Variants in AGBL4 observed in about 807,000 individuals in gnomAD.
AGBL4 encodes the protein cytosolic carboxypeptidase 6.
In AGBL4, 58 loss-of-function variants were observed where a neutral mutation model predicts 66.4. That is an observed-to-expected ratio of 0.87 (90% CI 0.71 to 1.09). AGBL4 has a LOEUF of 1.09. AGBL4 is among the 50% of genes least tolerant of loss of function. AGBL4 has a pLI of 0.00. For synonymous variants in AGBL4, 234 were observed against 222.9 expected (o/e 1.05, Z -0.44); for missense variants, 579 against 631.0 (o/e 0.92, Z 0.88).
chr1:49,064,153 T>G (rs1644451029), intron 4 of AGBL4, among the ~76,000 whole-genome samples: 2 of 152,234 alleles, frequency 1.3e-5, no homozygotes, highest in African/African-American at 4.8e-5. Flanking sequence ...AGGCTACAGT[T>G]GGTAGCTGTC....
intron 1 of AGBL4, among the ~76,000 whole-genome samples, chr1:50,008,207 C>T (rs1272821822): frequency 1.3e-5 from 2 of 152,212 alleles, no homozygotes; most frequent in African/African-American, 4.8e-5. Context: ...CCAATGGCTG[C>T]AGAATCCACA....
chr1:49,778,851 T>C (rs984963508), intron 2 of AGBL4, among the ~76,000 whole-genome samples: 4 of 152,180 alleles, frequency 2.6e-5, no homozygotes, highest in Non-Finnish European at 5.9e-5. Context: ...AACTAACACG[T>C]ATAATATTTA....
intron 9 of AGBL4, among the ~76,000 whole-genome samples, chr1:48,615,241 G>C (rs1271735549): frequency 6.6e-6 from 1 of 152,164 alleles, no homozygotes; most frequent in East Asian, 1.9e-4. Flanking sequence ...CTGAATCTTT[G>C]AATACCAAAC....
intron 5 of AGBL4, among the ~76,000 whole-genome samples, chr1:48,939,184 A>G (rs1655731423): frequency 6.6e-6 from 1 of 152,216 alleles, no homozygotes; most frequent in South Asian, 2.1e-4. Flanking sequence ...GTGATTCATC[A>G]GTATATACTT....
At chr1:49,646,095 T>G (rs2124426855) in intron 3 of AGBL4, among the ~76,000 whole-genome samples, 1 of 151,932 alleles carries the variant, frequency 6.6e-6, no homozygotes, top group East Asian at 1.9e-4. Context: ...CAGAAGGCTT[T>G]CCCTCTAATA....
At chr1:48,527,721 T>C in the AGBL4 span, among the ~76,000 whole-genome samples, 2 of 151,830 alleles carry the variant, frequency 1.3e-5, no homozygotes, top group Admixed American at 1.3e-4. Context: ...GAGCTAAGTC[T>C]TGAATGATGA....
intron 6 of AGBL4, among the ~76,000 whole-genome samples, chr1:48,811,193 T>A (rs1269201751): frequency 1.5e-5 from 2 of 132,268 alleles, no homozygotes; most frequent in African/African-American, 5.6e-5. Context: ...GGGGTGGGGG[T>A]GGTGGATGCT....
At chr1:49,946,591 C>T (rs985743507) in intron 1 of AGBL4, among the ~76,000 whole-genome samples, 4 of 151,864 alleles carry the variant, frequency 2.6e-5, no homozygotes, top group Non-Finnish European at 5.9e-5. Context: ...GCCCTAAACA[C>T]CTACATCAAA....
intron 3 of AGBL4, among the ~76,000 whole-genome samples, chr1:49,612,130 C>G (rs1307224322): frequency 1.3e-5 from 2 of 152,132 alleles, no homozygotes; most frequent in Non-Finnish European, 2.9e-5. Context: ...GATAAATGTG[C>G]CTTTTTATTT....
intron 6 of AGBL4, among the ~76,000 whole-genome samples, chr1:48,797,471 G>C (rs1214979465): frequency 6.6e-6 from 1 of 152,160 alleles, no homozygotes; most frequent in Non-Finnish European, 1.5e-5. Flanking sequence ...AACATACAAT[G>C]TTTGATTTTC....
chr1:49,994,607 A>T (rs1212038212), intron 1 of AGBL4: 1 of 152,606 alleles, frequency 6.6e-6, no homozygotes, highest in Admixed American at 6.5e-5. Flanking sequence ...ATTTTCATTT[A>T]AAAACTAACT....
chr1:49,360,500 C>A (rs1644114763), intron 3 of AGBL4, among the ~76,000 whole-genome samples: 1 of 152,062 alleles, frequency 6.6e-6, no homozygotes, highest in African/African-American at 2.4e-5. Context: ...AATTAAAAGT[C>A]CTAAGCACAT....
At chr1:48,612,427 G>C (rs1449476420) in intron 9 of AGBL4, among the ~76,000 whole-genome samples, 1 of 152,200 alleles carries the variant, frequency 6.6e-6, no homozygotes, top group East Asian at 1.9e-4. Flanking sequence ...GGCAGAGAAG[G>C]CATCCTGAAG....
chr1:48,718,564 G>GT (rs1211869179), intron 6 of AGBL4, among the ~76,000 whole-genome samples: 1 of 152,198 alleles, frequency 6.6e-6, no homozygotes, highest in Non-Finnish European at 1.5e-5. Context: ...CTTCCCACTA[G>GT]TTTTGGAAAA....
intron 8 of AGBL4, among the ~76,000 whole-genome samples, chr1:48,650,181 G>A (rs1382735641): frequency 6.6e-6 from 1 of 152,202 alleles, no homozygotes; most frequent in African/African-American, 2.4e-5. Context: ...AGGGGAGTGT[G>A]GGACTGCAGA....
At chr1:48,993,877 C>T (rs1362903572) in intron 5 of AGBL4, among the ~76,000 whole-genome samples, 2 of 152,180 alleles carry the variant, frequency 1.3e-5, no homozygotes, top group African/African-American at 4.8e-5. Flanking sequence ...GGAGGGGTGG[C>T]ATCAGCAATT....
intron 3 of AGBL4, among the ~76,000 whole-genome samples, chr1:49,556,917 G>A (rs1423663537): frequency 3.9e-5 from 6 of 152,176 alleles, no homozygotes; most frequent in East Asian, 1.9e-4. Context: ...TGGGGGACCC[G>A]GCGCACCCTC....
intron 3 of AGBL4, among the ~76,000 whole-genome samples, chr1:49,453,970 C>A (rs1486815053): frequency 6.6e-6 from 1 of 151,700 alleles, no homozygotes; most frequent in African/African-American, 2.4e-5. Context: ...TTCCAAAATT[C>A]ATTAGTGATT....
chr1:49,479,852 C>A (rs1177915202), intron 3 of AGBL4, among the ~76,000 whole-genome samples: 3 of 151,644 alleles, frequency 2.0e-5, no homozygotes, highest in Non-Finnish European at 1.5e-5. Flanking sequence ...GGACTACAGG[C>A]GCCCGCCACC....
Sources: gnomAD v4.1 joint callset for allele counts (sites outside exome capture counted in the v4.1 genomes callset) on GRCh38, gnomAD v4.1.1 for gene constraint, MANE v1.5 for transcripts, NCBI Gene and HGNC (gene_info 2026-07-23, HGNC 2026-07-21) for gene names.